ZBTB44: variants seen among roughly 807,000 people sequenced by gnomAD.
ZBTB44 encodes the protein zinc finger and BTB domain-containing protein 44.
In ZBTB44, 15 loss-of-function variants were observed where a neutral mutation model predicts 54.0. The observed-to-expected ratio is 0.28, with a 90% CI of 0.19 to 0.43. The LOEUF is 0.43. Among genes scored for constraint, ZBTB44 ranks in the 20% least tolerant of loss-of-function variants. The pLI is 1.00. For missense variants in ZBTB44, 487 were observed against 707.1 expected (o/e 0.69, Z 3.53); for synonymous variants, 230 against 250.1 (o/e 0.92, Z 0.76).
chr11:130,272,814 A>G (rs1239556666), intron 1 of ZBTB44, among the ~76,000 whole-genome samples: 7 of 152,108 alleles, frequency 4.6e-5, no homozygotes, highest in African/African-American at 1.7e-4. Flanking sequence ...CATCTGTTAA[A>G]AAGCGTATTC....
rs538752522 is a variant in ZBTB44, at chr11:130,250,093, G to A, written c.1019-10197C>T. On this transcript the variant is annotated intron_variant, in intron 2 of 7. Transcript: ENST00000357899. ...AAGCTTGGTCGGGGGAGGGACATCCGCCATTACTGAGGCTTGAGTAGTTGG... is the reference window on the plus strand; with the variant it reads ...AAGCTTGGTCGGGGGAGGGACATCCACCATTACTGAGGCTTGAGTAGTTGG... 4.6e-5 allele frequency among the ~76,000 whole-genome samples: 7 copies of A among 152,246 alleles called. No individual in the cohort carries two copies. The South Asian group carries it at 6.2e-4, about 14-fold the overall frequency.
chr11:130,310,409 T>C (rs916569186), intron 1 of ZBTB44: 19 of 151,312 alleles, frequency 1.3e-4, no homozygotes, highest in African/African-American at 4.6e-4. Flanking sequence ...TGCTTATCAG[T>C]AGTAGGATCA....
intron 1 of ZBTB44, among the ~76,000 whole-genome samples, chr11:130,283,559 A>G (rs1940695556): frequency 6.6e-6 from 1 of 152,228 alleles, no homozygotes; most frequent in Non-Finnish European, 1.5e-5. Context: ...ATTTAAATTT[A>G]TATCAAAAGA....
At chr11:130,234,848 C>T (rs1954036068) in intron 5 of ZBTB44, among the ~76,000 whole-genome samples, 1 of 152,094 alleles carries the variant, frequency 6.6e-6, no homozygotes, top group African/African-American at 2.4e-5. Flanking sequence ...AAATGAATGC[C>T]TTGAGATTGG....
chr11:130,289,457 G>C (rs995643402), intron 1 of ZBTB44, among the ~76,000 whole-genome samples: 1 of 151,012 alleles, frequency 6.6e-6, no homozygotes, highest in South Asian at 2.1e-4. Context: ...TCCAGCTCCA[G>C]GGCAATAGAG....
chr11:130,238,771 G>T, intron 3 of ZBTB44, 164 bp from the exon 4 acceptor site: 1 of 736,476 alleles, frequency 1.4e-6, no homozygotes, highest in South Asian at 2.7e-5. Context: ...GAAAAACAAT[G>T]TTAATGTCCA....
chr11:130,299,883 C>T (rs1941897457), intron 1 of ZBTB44, among the ~76,000 whole-genome samples: 2 of 152,288 alleles, frequency 1.3e-5, no homozygotes, highest in African/African-American at 4.8e-5. Flanking sequence ...GCATTATTCA[C>T]AACAGCCAAA....
chr11:130,236,871 G>C lies in ZBTB44; in HGVS notation c.1490C>G (p.Thr497Ser), dbSNP rs1316239577. Residue 497 changes from threonine to serine, a missense_variant, in exon 5 of 8, where the codon ACC becomes AGC. By Grantham distance (58) the Thr-to-Ser change is moderately conservative. This residue lies in a region of ZBTB44 where 120 missense variants were observed against 240.3 expected (regional missense o/e 0.50). Transcript: ENST00000357899. ...GTGCACGATTAAATTTCCAGAGTTG[G>C]TGAACATGGCGCCACATGTTTTGCA... ...YECKTCGAMF[T>S]NSGNLIVHLR... 6.6e-7 allele frequency: 1 copy of C among 1,520,692 alleles called. No homozygotes were observed. The highest frequency in any genetic ancestry group is 8.8e-7 in the Non-Finnish European group (1 of 1,135,840). 94.2% of individuals were successfully genotyped at this position (1,520,692 alleles called of 1,614,324 possible).
intron 1 of ZBTB44, among the ~76,000 whole-genome samples, chr11:130,286,542 C>T (rs1940977280): frequency 6.6e-6 from 1 of 152,118 alleles, no homozygotes; most frequent in Non-Finnish European, 1.5e-5. Flanking sequence ...AAGATTGCTC[C>T]AAGGATAAAT....
chr11:130,305,679 C>A (rs976351637), intron 1 of ZBTB44, among the ~76,000 whole-genome samples: 5 of 152,158 alleles, frequency 3.3e-5, no homozygotes, highest in African/African-American at 1.2e-4. Flanking sequence ...CAGAAAAACT[C>A]TTCTAGACAT....
At chr11:130,259,179 C>T (rs1938663814) in intron 2 of ZBTB44, among the ~76,000 whole-genome samples, 1 of 152,150 alleles carries the variant, frequency 6.6e-6, no homozygotes, top group African/African-American at 2.4e-5. Context: ...GTGCTATCCC[C>T]ATCAAGTTAC....
chr11:130,268,069 C>CAAAA (rs574966633), intron 1 of ZBTB44, among the ~76,000 whole-genome samples: 1 of 65,008 alleles, frequency 1.5e-5, no homozygotes, highest in Non-Finnish European at 3.2e-5. Context: ...ACTCTGTCTA[C>CAAAA]AAAAAAAAAA....
intron 1 of ZBTB44, chr11:130,296,203 A>G: frequency 7.7e-7 from 1 of 1,294,016 alleles, no homozygotes; most frequent in Non-Finnish European, 1.1e-6. Flanking sequence ...GAGCCATTGT[A>G]TGTTAGTGTT....
Position 130,230,677 on chromosome 11 carries a change from G to T in ZBTB44, c.*1087C>A, listed in dbSNP as rs535949523. The T allele has an allele frequency of 1.8e-4, 28 of 151,504 alleles. No homozygotes were observed. Among genetic ancestry groups the T allele is most frequent in the African/African-American group, 6.5e-4 (27 of 41,382 alleles). The allele number at this position is 151,504 out of a possible 1,614,324, so 9.4% of individuals were successfully genotyped here. ...AAGAAAAATCCATTTAAATATATTT[G>T]TGGGTGATAATCTCCATCTGCATCC... On this transcript the variant is annotated 3_prime_UTR_variant, in exon 8 of 8. Coordinates refer to ENST00000357899, the MANE Select transcript of ZBTB44 (RefSeq NM_001301098.2).
intron 2 of ZBTB44, among the ~76,000 whole-genome samples, chr11:130,255,175 T>G (rs1382841703): frequency 6.6e-6 from 1 of 152,100 alleles, no homozygotes; most frequent in African/African-American, 2.4e-5. Context: ...TATACATATG[T>G]AACAAATCTG....
At chr11:130,239,730 A>G (rs1954270163) in intron 3 of ZBTB44, 82 bp downstream of exon 3, 1 of 1,139,012 alleles carries the variant, frequency 8.8e-7, no homozygotes, top group Non-Finnish European at 1.3e-6. Flanking sequence ...ATAAACTTCT[A>G]CAACTCTTGA....
At chr11:130,307,249 C>T (rs1942321870) in intron 1 of ZBTB44, among the ~76,000 whole-genome samples, 1 of 151,756 alleles carries the variant, frequency 6.6e-6, no homozygotes, top group Non-Finnish European at 1.5e-5. Flanking sequence ...ACGGTGAAAC[C>T]CCGTCTCTAC....
rs1954209547 is a variant in ZBTB44, at chr11:130,238,489, A to G, written c.1222T>C (p.Phe408Leu). The G allele has an allele frequency of 2.5e-6, 4 of 1,609,218 alleles. No individual in the cohort carries two copies. The highest frequency in any genetic ancestry group is 1.7e-5 in the Admixed American group (1 of 59,374). The change falls in exon 4 of 8, where the codon TTC becomes CTC. Residue 408 changes from phenylalanine to leucine, a missense_variant. Around this residue, in one of 3 missense-constraint regions of ZBTB44, gnomAD observed 120 missense variants for 240.3 expected, o/e 0.50. Coordinates refer to ENST00000357899, the MANE Select transcript of ZBTB44 (RefSeq NM_001301098.2). ...PFQCPTCGVR[F>L]TRIQNLKQHM... ...TGCTTTAGGTTCTGAATACGGGTGA[A>G]TCGCACCCCGCAGGTTGGACACTGA... is the stretch of plus-strand genomic sequence containing the variant.
chr11:130,233,897 G>A lies in ZBTB44; in HGVS notation c.1686+259C>T, dbSNP rs1217991479. On this transcript the variant is annotated intron_variant, in intron 6 of 7. Coordinates refer to ENST00000357899, the MANE Select transcript of ZBTB44 (RefSeq NM_001301098.2). The stretch of plus-strand genomic sequence containing the variant: ...CCCAATCTCCCCCTCCCTCCCACCC[G>A]GCTTTTTTTGTTTAAAAAATTAAAT... The A allele has an allele frequency of 1.0e-3, 190 of 184,178 alleles. 1 individual carries two copies. Among genetic ancestry groups the A allele is most frequent in the Non-Finnish European group, 1.3e-3 (177 of 132,540 alleles). The allele number at this position is 184,178 out of a possible 1,614,324, so 11.4% of individuals were successfully genotyped here.
Sources: allele counts gnomAD v4.1 joint callset (sites outside exome capture counted in the v4.1 genomes callset), GRCh38; gene constraint gnomAD v4.1.1; regional missense constraint gnomAD v4.1.1; transcripts MANE v1.5; gene names NCBI Gene and HGNC (gene_info 2026-07-23, HGNC 2026-07-21).